The following IL2RA variants were observed in gnomAD, a reference collection of about 807,000 sequenced individuals.
The protein encoded by IL2RA is interleukin-2 receptor subunit alpha.
IL2RA carries 24 observed loss-of-function variants against 37.8 expected under a neutral mutation model. That is an observed-to-expected ratio of 0.63 (90% CI 0.46 to 0.89). The LOEUF (loss-of-function observed/expected upper bound fraction) is 0.89. Among genes scored for constraint, IL2RA ranks in the 40% least tolerant of loss-of-function variants. The pLI is 0.00. For missense variants in IL2RA, 319 were observed against 348.6 expected, an observed-to-expected ratio of 0.92 and a Z score of 0.68; for synonymous variants, 125 against 114.6, an observed-to-expected ratio of 1.09 and a Z score of -0.58.
intron 1 of IL2RA, among the ~76,000 whole-genome samples, chr10:6,051,511 A>T (rs67441320): frequency 1.0e-4 from 2 of 19,524 alleles, no homozygotes; most frequent in African/African-American, 2.3e-4. Flanking sequence ...ATATATATAT[A>T]TATATATTTT....
At position 6,047,451 on chromosome 10, in the gene IL2RA, T is replaced by G. The variant is rs1047231519; in HGVS notation, c.64+14637A>C. ...TCCAAAGCTCTTCCTGCCTGTAGCA[T>G]GCACCCTGTGCCTCCGGGCCACCAA... On this transcript the variant is annotated intron_variant, in intron 1 of 7. Transcript: ENST00000379959. The surrounding 1 kb of genome is among the most constrained non-coding windows in gnomAD (Gnocchi z 5.0). Among the ~76,000 whole-genome samples, 5 of 152,328 alleles carry G rather than the reference T, an allele frequency of 3.3e-5. No individual in the cohort carries two copies. In the East Asian group the frequency reaches 9.6e-4, roughly 29 times the overall value.
Position 6,046,324 on chromosome 10 carries a change from C to G in IL2RA, c.64+15764G>C, listed in dbSNP as rs1216678349. The stretch of plus-strand genomic sequence containing the variant: ...GGGGTCCTGGCGCTTTCAGATACTA[C>G]CATGATCTGCTAGTCTACTGTGATT... On this transcript the variant is annotated intron_variant, in intron 1 of 7. Coordinates refer to ENST00000379959, the MANE Select transcript of IL2RA (RefSeq NM_000417.3). The surrounding 1 kb of genome is among the most constrained non-coding windows in gnomAD (Gnocchi z 4.8). Among the ~76,000 whole-genome samples, 1 of 152,180 alleles carries G rather than the reference C, an allele frequency of 6.6e-6. No individual in the cohort carries two copies. Among genetic ancestry groups the G allele is most frequent in the Non-Finnish European group, 1.5e-5 (1 of 68,026 alleles).
intron 1 of IL2RA, among the ~76,000 whole-genome samples, chr10:6,051,389 T>C (rs1839953263): frequency 1.3e-5 from 2 of 152,068 alleles, no homozygotes; most frequent in Admixed American, 6.5e-5. Flanking sequence ...CTTTTAGAAA[T>C]GATTCCTTTG....
chr10:6,031,456 A>ATG (rs1564545839), intron 1 of IL2RA, among the ~76,000 whole-genome samples: 472 of 27,178 alleles, frequency 0.017, 16 homozygotes, highest in African/African-American at 0.087. Context: ...ATATATATAC[A>ATG]TATATATATA....
Position 6,050,933 on chromosome 10 carries a change from G to A in IL2RA, c.64+11155C>T, listed in dbSNP as rs140284138. Among the ~76,000 whole-genome samples, 888 of 152,326 alleles carry A rather than the reference G, an allele frequency of 5.8e-3. 16 individuals carry two copies. Among genetic ancestry groups the A allele is most frequent in the African/African-American group, 0.02 (836 of 41,568 alleles). Reference sequence around the variant, plus strand: ...GGTGGGTGAAAGGTAGTGAAAGCCCGAAGTGCAGTAAACCAGGGATCAACA... The same window carrying A: ...GGTGGGTGAAAGGTAGTGAAAGCCCAAAGTGCAGTAAACCAGGGATCAACA... On this transcript the variant is annotated intron_variant, in intron 1 of 7. Transcript: ENST00000379959.
In IL2RA at chr10:6,048,048, G is replaced by A. The variant is rs1485366598; in HGVS notation, c.64+14040C>T. On this transcript the variant is annotated intron_variant, in intron 1 of 7. Coordinates refer to ENST00000379959, the MANE Select transcript of IL2RA (RefSeq NM_000417.3). The surrounding 1 kb of genome is among the most constrained non-coding windows in gnomAD (Gnocchi z 5.3). ...CAGCCTGACAAGTGCGTGCTCTTAC[G>A]CACAAGTGTCTGCCTGTCCTCCCGC... Among the ~76,000 whole-genome samples the A allele has an allele frequency of 1.3e-5, 2 of 152,152 alleles. No individual in the cohort carries two copies. The highest frequency in any genetic ancestry group is 2.1e-4 in the South Asian group (1 of 4,834).
intron 1 of IL2RA, among the ~76,000 whole-genome samples, chr10:6,031,476 A>ATATATATG (rs1839581988): frequency 7.9e-5 from 2 of 25,182 alleles, no homozygotes; most frequent in Non-Finnish European, 1.4e-4. Context: ...ATATATATAT[A>ATATATATG]TATATATATA....
rs566269431 is a variant in IL2RA, at chr10:6,056,596, T to G, written c.64+5492A>C. Among the ~76,000 whole-genome samples, 1 of 151,740 alleles carries G rather than the reference T, an allele frequency of 6.6e-6. No individual in the cohort carries two copies. Among genetic ancestry groups the G allele is most frequent in the South Asian group, 2.1e-4 (1 of 4,796 alleles). On this transcript the variant is annotated intron_variant, in intron 1 of 7. Transcript: ENST00000379959. The surrounding 1 kb of genome is among the most constrained non-coding windows in gnomAD (Gnocchi z 5.0). ...GCAAAAACCCCCTCTCTACTAAAAT[T>G]ACAAAAAAGGAGCCAGGCATGGTGG...
chr10:6,018,038 T>A lies in IL2RA; in HGVS notation c.794+15A>T. The A allele has an allele frequency of 6.2e-7, 1 of 1,611,904 alleles. No individual in the cohort carries two copies. Among genetic ancestry groups the A allele is most frequent in the Non-Finnish European group, 8.5e-7 (1 of 1,178,434 alleles). On this transcript the variant is annotated intron_variant, in intron 7 of 7. Coordinates refer to ENST00000379959, the MANE Select transcript of IL2RA (RefSeq NM_000417.3). This position sits in a 1 kb window ranked among gnomAD's most constrained non-coding sequence, Gnocchi z 5.1. Reference sequence around the variant, plus strand: ...TTGATCTGACCAAGGGCTGCCTTGGTGATGCCACACTTACTGTCTCCGCTG... The same window carrying A: ...TTGATCTGACCAAGGGCTGCCTTGGAGATGCCACACTTACTGTCTCCGCTG...
chr10:6,020,011 G>A lies in IL2RA; in HGVS notation c.584-70C>T, dbSNP rs1589292426. On this transcript the variant is annotated intron_variant, in intron 4 of 7. Coordinates refer to ENST00000379959, the MANE Select transcript of IL2RA (RefSeq NM_000417.3). The surrounding 1 kb of genome is among the most constrained non-coding windows in gnomAD (Gnocchi z 5.6). The stretch of plus-strand genomic sequence containing the variant: ...TCAGGGCCTCACTCCCACCCCGCCT[G>A]CCCCAGGCAGCCGGCCCCAGACACG... The A allele has an allele frequency of 7.5e-7, 1 of 1,339,154 alleles. No homozygotes were observed. The highest frequency in any genetic ancestry group is 2.3e-5 in the East Asian group (1 of 43,528). 83.0% of individuals were successfully genotyped at this position (1,339,154 alleles called of 1,614,324 possible).
chr10:6,017,036 T>C (rs1839290561), intron 7 of IL2RA: 1 of 159,348 alleles, frequency 6.3e-6, no homozygotes, highest in Non-Finnish European at 1.4e-5. Flanking sequence ...GATTTCCCTC[T>C]TGTAAACCTC....
In IL2RA at chr10:6,047,644, C is replaced by A. The variant is rs1392030247; in HGVS notation, c.64+14444G>T. ...TTTATTAGACATCACAATTCAAATA[C>A]AATAAAGTATATAAATATAAATATA... On this transcript the variant is annotated intron_variant, in intron 1 of 7. Coordinates refer to ENST00000379959, the MANE Select transcript of IL2RA (RefSeq NM_000417.3). The surrounding 1 kb of genome is among the most constrained non-coding windows in gnomAD (Gnocchi z 5.0). 2.0e-5 allele frequency among the ~76,000 whole-genome samples: 3 copies of A among 150,250 alleles called. No individual in the cohort carries two copies. The highest frequency in any genetic ancestry group is 7.3e-5 in the African/African-American group (3 of 40,964).
In IL2RA at chr10:6,014,458, G is replaced by T. The variant is rs558937821; in HGVS notation, c.795-1562C>A. On this transcript the variant is annotated intron_variant, in intron 7 of 7. Coordinates refer to ENST00000379959, the MANE Select transcript of IL2RA (RefSeq NM_000417.3). This position sits in a 1 kb window ranked among gnomAD's most constrained non-coding sequence, Gnocchi z 4.4. ...AAAGATTGTAGTTCTGGGAGACCTT[G>T]TGGGAACTCACATAGGTTCACACAG... is the stretch of plus-strand genomic sequence containing the variant. Among the ~76,000 whole-genome samples, 2 of 152,188 alleles carry T rather than the reference G, an allele frequency of 1.3e-5. No individual in the cohort carries two copies. Among genetic ancestry groups the T allele is most frequent in the Non-Finnish European group, 2.9e-5 (2 of 68,038 alleles).
rs1839180750 is a variant in IL2RA at position 6,010,806 on chromosome 10, C to T, written c.*2066G>A. 1 of 152,108 alleles carries T rather than the reference C, an allele frequency of 6.6e-6. No individual in the cohort carries two copies. The highest frequency in any genetic ancestry group is 6.6e-5 in the Admixed American group (1 of 15,252). 9.4% of individuals were successfully genotyped at this position (152,108 alleles called of 1,614,324 possible). On this transcript the variant is annotated 3_prime_UTR_variant, in exon 8 of 8. Transcript: ENST00000379959. ...AGCTTCTGGAAAATTCCACCATACA[C>T]TTTTGAGAGAAGGACAGATAAATGG... is the stretch of plus-strand genomic sequence containing the variant.
Position 6,028,759 on chromosome 10 carries a change from G to A in IL2RA, c.65-2734C>T, listed in dbSNP as rs578051360. On this transcript the variant is annotated intron_variant, in intron 1 of 7. Transcript: ENST00000379959. The surrounding 1 kb of genome is among the most constrained non-coding windows in gnomAD (Gnocchi z 4.1). ...ATGCCTGTAATCCCAGCACTTTGGG[G>A]CGACAAGGCAGGCGGATCATCTGAG... 1.3e-5 allele frequency among the ~76,000 whole-genome samples: 2 copies of A among 152,216 alleles called. No homozygotes were observed. The highest frequency in any genetic ancestry group is 4.8e-5 in the African/African-American group (2 of 41,536).
chr10:6,029,945 T>C lies in IL2RA; in HGVS notation c.65-3920A>G, dbSNP rs1839550206. Among the ~76,000 whole-genome samples, 1 of 152,212 alleles carries C rather than the reference T, an allele frequency of 6.6e-6. No individual in the cohort carries two copies. The highest frequency in any genetic ancestry group is 2.1e-4 in the South Asian group (1 of 4,832). On this transcript the variant is annotated intron_variant, in intron 1 of 7. Coordinates refer to ENST00000379959, the MANE Select transcript of IL2RA (RefSeq NM_000417.3). This position sits in a 1 kb window ranked among gnomAD's most constrained non-coding sequence, Gnocchi z 4.6. ...GTCTCGAATTCCTGACCTCAGATGA[T>C]CCACCTGCCTTGGCCTCCCAAAGTG... is the stretch of plus-strand genomic sequence containing the variant.
In IL2RA at chr10:6,044,370, G is replaced by C. The variant is rs7896551; in HGVS notation, c.64+17718C>G. 0.025 allele frequency among the ~76,000 whole-genome samples: 3,821 copies of C among 152,350 alleles called. 183 individuals are homozygous for C. The highest frequency in any genetic ancestry group is 0.088 in the African/African-American group (3,648 of 41,564). On this transcript the variant is annotated intron_variant, in intron 1 of 7. Coordinates refer to ENST00000379959, the MANE Select transcript of IL2RA (RefSeq NM_000417.3). The surrounding 1 kb of genome is among the most constrained non-coding windows in gnomAD (Gnocchi z 4.5). ...AGCAGGGCGACCACATAGGCAGAGAGTAGTAGGTCAGGGCAGTTTTGCATT... is the reference window on the plus strand; with the variant it reads ...AGCAGGGCGACCACATAGGCAGAGACTAGTAGGTCAGGGCAGTTTTGCATT...
Position 6,047,185 on chromosome 10 carries a change from AG to A in IL2RA, c.64+14902del, listed in dbSNP as rs767560283. Among the ~76,000 whole-genome samples, 1 of 152,196 alleles carries A rather than the reference AG, an allele frequency of 6.6e-6. No homozygotes were observed. Among genetic ancestry groups the A allele is most frequent in the Non-Finnish European group, 1.5e-5 (1 of 68,026 alleles). ...TGCTGAACCCTTGCTGATGTGCAGA[AG>A]GGGTTAATCAGACCATGTGGACACA... On this transcript the variant is annotated intron_variant, in intron 1 of 7. Coordinates refer to ENST00000379959, the MANE Select transcript of IL2RA (RefSeq NM_000417.3). The surrounding 1 kb of genome is among the most constrained non-coding windows in gnomAD (Gnocchi z 5.0).
At chr10:6,030,644 C>G (rs1322763135) in intron 1 of IL2RA, among the ~76,000 whole-genome samples, 1 of 152,036 alleles carries the variant, frequency 6.6e-6, no homozygotes, top group East Asian at 1.9e-4. Context: ...GAAAAATTTT[C>G]AAGCAAAAGA....
Sources: allele counts gnomAD v4.1 joint callset (sites outside exome capture counted in the v4.1 genomes callset), GRCh38; gene constraint gnomAD v4.1.1; non-coding constraint Gnocchi (gnomAD v3.1); transcripts MANE v1.5; gene names NCBI Gene and HGNC (gene_info 2026-07-23, HGNC 2026-07-21).